Variants in APCDD1 observed in about 807,000 individuals in gnomAD.
The protein encoded by APCDD1 is APC down-regulated 1.
APCDD1 carries 15 observed loss-of-function variants against 38.1 expected under a neutral mutation model. The ratio of observed to expected loss-of-function variants is 0.39; its 90% CI spans 0.26 to 0.61. The LOEUF is 0.61. APCDD1 is among the 20% of genes least tolerant of loss of function. The probability of loss-of-function intolerance (pLI) is 0.49; values close to 1 mark genes in which losing one functional copy is unlikely to be tolerated. For synonymous variants in APCDD1, 261 were observed against 279.7 expected, an observed-to-expected ratio of 0.93 and a Z score of 0.67; for missense variants, 647 against 696.2, an observed-to-expected ratio of 0.93 and a Z score of 0.79.
Position 10,470,306 on chromosome 18 carries a change from T to C in APCDD1, c.243-1224T>C, listed in dbSNP as rs1347828099. Among the ~76,000 whole-genome samples the C allele has an allele frequency of 2.0e-5, 3 of 152,216 alleles. No individual in the cohort carries two copies. The highest frequency in any genetic ancestry group is 2.0e-4 in the Admixed American group (3 of 15,286). ...TCACTGCTTACACTAAACTTCTCTT[T>C]CCTTGTGGGAGAAATCTGGGGTGTT... is the stretch of plus-strand genomic sequence containing the variant. On this transcript the variant is annotated intron_variant, in intron 2 of 4. Coordinates refer to ENST00000355285, the MANE Select transcript of APCDD1 (RefSeq NM_153000.5). The surrounding 1 kb of genome is among the most constrained non-coding windows in gnomAD (Gnocchi z 4.1).
Position 10,487,817 on chromosome 18 carries a change from A to AGGCCCAGCGACGGGTCC in APCDD1, c.1325_1341dup (p.Ser448GlyfsTer126). On this transcript the variant is annotated frameshift_variant, in exon 5 of 5. Transcript: ENST00000355285. LOFTEE classifies it low-confidence loss of function (END_TRUNC). ...GCGCTATCTGCTGTTCAACGGTCAG[A>AGGCCCAGCGACGGGTCC]GGCCCAGCGACGGGTCCAGCCCAGA... The AGGCCCAGCGACGGGTCC allele has an allele frequency of 1.2e-6, 2 of 1,614,078 alleles. No homozygotes were observed. The highest frequency in any genetic ancestry group is 1.7e-6 in the Non-Finnish European group (2 of 1,180,038).
At position 10,470,643 on chromosome 18, in the gene APCDD1, G is replaced by A. The variant is rs141800554; in HGVS notation, c.243-887G>A. Among the ~76,000 whole-genome samples, 22 of 152,344 alleles carry A rather than the reference G, an allele frequency of 1.4e-4. No individual in the cohort carries two copies. The highest frequency in any genetic ancestry group is 2.6e-4 in the Admixed American group (4 of 15,308). On this transcript the variant is annotated intron_variant, in intron 2 of 4. Transcript: ENST00000355285. This position sits in a 1 kb window ranked among gnomAD's most constrained non-coding sequence, Gnocchi z 4.1. Reference sequence around the variant, plus strand: ...GAATTGATGAGCTGAAAGTCATGGCGTAACTGAGACTAGGAGCTAACAAAA... The same window carrying A: ...GAATTGATGAGCTGAAAGTCATGGCATAACTGAGACTAGGAGCTAACAAAA...
At chr18:10,460,354 C>T (rs1301323637) in intron 1 of APCDD1, among the ~76,000 whole-genome samples, 4 of 152,124 alleles carry the variant, frequency 2.6e-5, no homozygotes, top group Admixed American at 1.3e-4. Context: ...GGCGAAACCC[C>T]GTCTCTACTA....
At chr18:10,464,227 A>G (rs551039664) in intron 1 of APCDD1, among the ~76,000 whole-genome samples, 136 of 150,816 alleles carry the variant, frequency 9.0e-4, no homozygotes, top group Non-Finnish European at 1.3e-3. Flanking sequence ...TGAACTCCCT[A>G]ACTTCCTTCC....
chr18:10,455,010 G>C lies in APCDD1; in HGVS notation c.29G>C (p.Arg10Thr), dbSNP rs758208673. The C allele has an allele frequency of 1.3e-6, 2 of 1,564,474 alleles. No individual in the cohort carries two copies. The highest frequency in any genetic ancestry group is 1.7e-6 in the Non-Finnish European group (2 of 1,154,748). The change falls in exon 1 of 5, where the codon AGA (arginine) becomes ACA (threonine). Residue 10 changes from arginine (R) to threonine (T), a missense_variant. Arg to Thr is a moderately conservative substitution (Grantham distance 71, BLOSUM62 -1). Coordinates refer to ENST00000355285, the MANE Select transcript of APCDD1 (RefSeq NM_153000.5). The part of the protein sequence containing the change: MSWPRRLLL[R>T]YLFPALLLHG... The stretch of plus-strand genomic sequence containing the variant: ...TCCTGGCCGCGCCGCCTCCTGCTCA[G>C]ATACCTGTTCCCGGCCCTCCTGCTT...
intron 3 of APCDD1, among the ~76,000 whole-genome samples, chr18:10,481,211 C>A (rs2031129178): frequency 6.6e-6 from 1 of 152,060 alleles, no homozygotes; most frequent in Non-Finnish European, 1.5e-5. Context: ...GGGTACATAC[C>A]CAAAAGAATT....
In APCDD1 at chr18:10,485,350, T is replaced by G; in HGVS notation, c.775-112T>G. On this transcript the variant is annotated intron_variant, in intron 3 of 4. Transcript: ENST00000355285. This position sits in a 1 kb window ranked among gnomAD's most constrained non-coding sequence, Gnocchi z 5.8. ...TTCCAGTTGGTTCTTGGTGTCGAGG[T>G]TGTCAGTGATGGTGATCTGGTGCCT... The G allele has an allele frequency of 2.5e-6, 3 of 1,178,626 alleles. No individual in the cohort carries two copies. The highest frequency in any genetic ancestry group is 1.7e-5 in the Admixed American group (1 of 58,692). 73.0% of individuals were successfully genotyped at this position (1,178,626 alleles called of 1,614,324 possible). A position where few individuals can be genotyped will look rare whatever the true frequency, so the allele number is the denominator to read the frequency against.
rs373303747 is a variant in APCDD1, at chr18:10,487,792, G to A, written c.1299G>A (p.Gly433=). The change falls in exon 5 of 5, where the codon GGG becomes GGA. Residue 433 remains glycine (G), a synonymous_variant. Coordinates refer to ENST00000355285, the MANE Select transcript of APCDD1 (RefSeq NM_153000.5). Reference sequence around the variant, plus strand: ...TCAAAATGGAACAGGATGCCCGGGGGCGCTATCTGCTGTTCAACGGTCAGA... The same window carrying A: ...TCAAAATGGAACAGGATGCCCGGGGACGCTATCTGCTGTTCAACGGTCAGA... ...EIFKMEQDAR[G]RYLLFNGQRP... is the part of the protein sequence containing the mutation. The A allele has an allele frequency of 3.7e-6, 6 of 1,614,030 alleles. No homozygotes were observed. The highest frequency in any genetic ancestry group is 4.2e-6 in the Non-Finnish European group (5 of 1,180,050).
Position 10,487,744 on chromosome 18 carries a change from A to G in APCDD1, c.1251A>G (p.Leu417=), listed in dbSNP as rs1315472185. Residue 417 remains leucine, a synonymous_variant, in exon 5 of 5, where the codon CTA becomes CTG. Transcript: ENST00000355285. ...GCTGCGTGGCCCTGGGCATCAAACT[A>G]CCTCACACGGAGTACGAGATCTTCA... ...TNGCVALGIK[L]PHTEYEIFKM... 6.2e-7 allele frequency: 1 copy of G among 1,614,048 alleles called. No individual in the cohort carries two copies. The highest frequency in any genetic ancestry group is 2.2e-5 in the East Asian group (1 of 44,868).
At position 10,472,024 on chromosome 18, in the gene APCDD1, G is replaced by C. The variant is rs748706455; in HGVS notation, c.737G>C (p.Arg246Pro). 2 of 1,613,628 alleles carry C rather than the reference G, an allele frequency of 1.2e-6. No homozygotes were observed. Among genetic ancestry groups the C allele is most frequent in the Non-Finnish European group, 1.7e-6 (2 of 1,180,044 alleles). ...GATGCCACCCAGAGGATGTTCTACC[G>C]GCCCTCCAGTTACCAGCCCCCTCTG... is the stretch of plus-strand genomic sequence containing the variant. The part of the protein sequence containing the change: ...HTDATQRMFY[R>P]PSSYQPPLQN... The change falls in exon 3 of 5, where the codon CGG (arginine) becomes CCG (proline). Residue 246 changes from arginine to proline, a missense_variant. Coordinates refer to ENST00000355285, the MANE Select transcript of APCDD1 (RefSeq NM_153000.5). The surrounding 1 kb of genome is among the most constrained non-coding windows in gnomAD (Gnocchi z 6.6).
At chr18:10,477,918 A>G (rs1195208815) in intron 3 of APCDD1, 1 of 152,222 alleles carries the variant, frequency 6.6e-6, no homozygotes, top group African/African-American at 2.4e-5. Flanking sequence ...CCATCTTCTT[A>G]GGGTCCTTTT....
rs1425551599 is a variant in APCDD1, at chr18:10,487,968, A to C, written c.1475A>C (p.His492Pro). 2.5e-6 allele frequency: 4 copies of C among 1,613,762 alleles called. No homozygotes were observed. The highest frequency in any genetic ancestry group is 3.4e-6 in the Non-Finnish European group (4 of 1,180,018). ...CTGTATGGCCGGGCCCCTGGGAGGC[A>C]CACCTGGTCCCTGCTGCTGGCTGCA... is the stretch of plus-strand genomic sequence containing the variant. ...SSLYGRAPGR[H>P]TWSLLLAALA... The change falls in exon 5 of 5, where the codon CAC becomes CCC. Residue 492 changes from histidine to proline, a missense_variant. Physicochemically the swap from His to Pro is moderately conservative, Grantham distance 77. Coordinates refer to ENST00000355285, the MANE Select transcript of APCDD1 (RefSeq NM_153000.5).
chr18:10,471,294 C>A lies in APCDD1; in HGVS notation c.243-236C>A, dbSNP rs2030844667. ...CTCTGATACTTGCTGGTCATGTGCTCTTGGGCATGTTCCCTAACCTCAGTT... is the reference window on the plus strand; with the variant it reads ...CTCTGATACTTGCTGGTCATGTGCTATTGGGCATGTTCCCTAACCTCAGTT... On this transcript the variant is annotated intron_variant, in intron 2 of 4. Coordinates refer to ENST00000355285, the MANE Select transcript of APCDD1 (RefSeq NM_153000.5). The surrounding 1 kb of genome is among the most constrained non-coding windows in gnomAD (Gnocchi z 5.5). Among the ~76,000 whole-genome samples the A allele has an allele frequency of 6.6e-6, 1 of 152,186 alleles. No individual in the cohort carries two copies. Among genetic ancestry groups the A allele is most frequent in the East Asian group, 1.9e-4 (1 of 5,192 alleles).
rs1219841138 is a variant in APCDD1 at position 10,485,524 on chromosome 18, C to T, written c.837C>T (p.Pro279=). The change falls in exon 4 of 5, where the codon CCC becomes CCT. Residue 279 remains proline, a synonymous_variant. Transcript: ENST00000355285. The surrounding 1 kb of genome is among the most constrained non-coding windows in gnomAD (Gnocchi z 5.8). ...IIYRSDEHHP[P]ILPPKADLTI... Reference sequence around the variant, plus strand: ...ATCGGTCAGACGAGCACCACCCTCCCATCCTGCCCCCAAAGGCAGACCTGA... The same window carrying T: ...ATCGGTCAGACGAGCACCACCCTCCTATCCTGCCCCCAAAGGCAGACCTGA... The T allele has an allele frequency of 2.5e-6, 4 of 1,614,072 alleles. No individual in the cohort carries two copies. Among genetic ancestry groups the T allele is most frequent in the Non-Finnish European group, 3.4e-6 (4 of 1,180,044 alleles).
In APCDD1 at chr18:10,485,729, A is replaced by G; in HGVS notation, c.1042A>G (p.Ser348Gly). 1 of 1,614,068 alleles carries G rather than the reference A, an allele frequency of 6.2e-7. No homozygotes were observed. Among genetic ancestry groups the G allele is most frequent in the South Asian group, 1.1e-5 (1 of 91,078 alleles). ...CTCCATCTACGCCCGGGGCCGCTAC[A>G]GCCGCGGCGTCCTCTCGTCCAGGGT... is the stretch of plus-strand genomic sequence containing the variant. ...TFSIYARGRY[S>G]RGVLSSRVMG... The change falls in exon 4 of 5, where the codon AGC becomes GGC. Residue 348 changes from serine to glycine, a missense_variant. By Grantham distance (56) the Ser-to-Gly change is moderately conservative. Coordinates refer to ENST00000355285, the MANE Select transcript of APCDD1 (RefSeq NM_153000.5). The surrounding 1 kb of genome is among the most constrained non-coding windows in gnomAD (Gnocchi z 5.8).
chr18:10,484,217 G>T (rs1320395454), intron 3 of APCDD1, among the ~76,000 whole-genome samples: 2 of 152,226 alleles, frequency 1.3e-5, no homozygotes, highest in Admixed American at 1.3e-4. Flanking sequence ...CCTGGAGGCG[G>T]GCAGACCGGG....
At chr18:10,479,788 G>A (rs1051200660) in intron 3 of APCDD1, among the ~76,000 whole-genome samples, 1 of 152,086 alleles carries the variant, frequency 6.6e-6, no homozygotes, top group African/African-American at 2.4e-5. Context: ...TCCGAGACTC[G>A]AATATCCTGT....
At chr18:10,457,371 C>T (rs1387795702) in intron 1 of APCDD1, among the ~76,000 whole-genome samples, 3 of 152,170 alleles carry the variant, frequency 2.0e-5, no homozygotes, top group Non-Finnish European at 4.4e-5. Context: ...CTGAATATGT[C>T]GTACTCAACT....
At position 10,467,261 on chromosome 18, in the gene APCDD1, C is replaced by T. The variant is rs950094941; in HGVS notation, c.59-1208C>T. On this transcript the variant is annotated intron_variant, in intron 1 of 4. Transcript: ENST00000355285. This position sits in a 1 kb window ranked among gnomAD's most constrained non-coding sequence, Gnocchi z 4.8. ...CATTTTCAAATCATCTCTCAGAAAC[C>T]GTGCCTTCTCTATGAAGCTATTTAT... Among the ~76,000 whole-genome samples the T allele has an allele frequency of 1.3e-5, 2 of 152,142 alleles. No homozygotes were observed. The highest frequency in any genetic ancestry group is 2.4e-5 in the African/African-American group (1 of 41,434).
Sources: gnomAD v4.1 joint callset for allele counts (sites outside exome capture counted in the v4.1 genomes callset) on GRCh38, gnomAD v4.1.1 for gene constraint, Gnocchi (gnomAD v3.1) non-coding constraint, MANE v1.5 for transcripts, NCBI Gene and HGNC (gene_info 2026-07-23, HGNC 2026-07-21) for gene names.